Variants in PARP4 observed in about 807,000 individuals in gnomAD.
PARP4 encodes the protein protein mono-ADP-ribosyltransferase PARP4.
PARP4 carries 120 observed loss-of-function variants against 187.7 expected under a neutral mutation model. The ratio of observed to expected loss-of-function variants is 0.64; its 90% CI spans 0.55 to 0.74. The LOEUF is 0.74. PARP4 is among the 30% of genes least tolerant of loss of function. The pLI is 0.00. For synonymous variants in PARP4, 654 were observed against 740.9 expected, an observed-to-expected ratio of 0.88 and a Z score of 1.90; for missense variants, 1,836 against 2,070.5, an observed-to-expected ratio of 0.89 and a Z score of 2.20.
At chr13:24,492,695 A>G (rs1390865995) in intron 8 of PARP4, 101 bp from the exon 9 acceptor site, 2 of 945,354 alleles carry the variant, frequency 2.1e-6, no homozygotes, top group East Asian at 5.2e-5. Flanking sequence ...TGTCAAGACT[A>G]TCCATTTTCT....
intron 33 of PARP4, among the ~76,000 whole-genome samples, chr13:24,422,593 T>C (rs1869801695): frequency 6.6e-6 from 1 of 152,080 alleles, no homozygotes; most frequent in Non-Finnish European, 1.5e-5. Flanking sequence ...AAATATGCAA[T>C]AAACAGGAAA....
intron 31 of PARP4, among the ~76,000 whole-genome samples, chr13:24,432,806 C>T (rs73458916): frequency 0.047 from 7,082 of 152,222 alleles, 475 homozygotes; most frequent in African/African-American, 0.15. Context: ...CCATCACATG[C>T]ACAGGAGAAT....
In PARP4 at chr13:24,493,697, T is replaced by A; in HGVS notation, c.778A>T (p.Ser260Cys). Residue 260 changes from serine to cysteine, a missense_variant, in exon 8 of 34, where the codon AGC becomes TGC. Physicochemically the swap from Ser to Cys is moderately radical, Grantham distance 112 (BLOSUM62 -1). Transcript: ENST00000381989. ...LEEVMNSSTLSQEVSDLVEMI... is the reference protein window; with the variant it reads ...LEEVMNSSTLCQEVSDLVEMI... ...TCTACTAAATCGCTCACCTCTTGGC[T>A]CAGAGTGCTTGAATTCATGACTTCC... 6.2e-7 allele frequency: 1 copy of A among 1,613,830 alleles called. No homozygotes were observed. The highest frequency in any genetic ancestry group is 8.5e-7 in the Non-Finnish European group (1 of 1,179,918).
chr13:24,463,883 T>C (rs1437271689), intron 17 of PARP4, among the ~76,000 whole-genome samples: 1 of 152,154 alleles, frequency 6.6e-6, no homozygotes. Context: ...GACAAGATCC[T>C]ATATCTAGAA....
At chr13:24,442,723 T>C (rs1459193681) in intron 28 of PARP4, 38 bp from the exon 29 acceptor site, 1 of 1,167,408 alleles carries the variant, frequency 8.6e-7, no homozygotes, top group Non-Finnish European at 1.3e-6. Flanking sequence ...TCCTGTTTTA[T>C]TTCTATTTCG....
intron 14 of PARP4, among the ~76,000 whole-genome samples, chr13:24,476,189 G>T (rs572011977): frequency 6.6e-6 from 1 of 150,942 alleles, no homozygotes; most frequent in South Asian, 2.1e-4. Context: ...ATGTTGCCCA[G>T]GCTGGTTTTG....
At chr13:24,423,827 C>T (rs549437928) in intron 33 of PARP4, among the ~76,000 whole-genome samples, 21 of 152,082 alleles carry the variant, frequency 1.4e-4, no homozygotes, top group African/African-American at 4.3e-4. Flanking sequence ...CTACCACACT[C>T]GGGTAATTTT....
At chr13:24,462,407 T>C (rs1176226653) in intron 17 of PARP4, among the ~76,000 whole-genome samples, 1 of 152,220 alleles carries the variant, frequency 6.6e-6, no homozygotes, top group Non-Finnish European at 1.5e-5. Flanking sequence ...ACTCAACTCT[T>C]CAACCCCTAC....
chr13:24,426,404 A>G (rs1049138262), intron 33 of PARP4, 62 bp downstream of exon 33: 1 of 1,284,546 alleles, frequency 7.8e-7, no homozygotes, highest in African/African-American at 1.5e-5. Context: ...GCTGTTTCTA[A>G]GGTTTATTAA....
chr13:24,453,322 G>T (rs1203608010), intron 23 of PARP4, among the ~76,000 whole-genome samples: 6 of 151,666 alleles, frequency 4.0e-5, no homozygotes, highest in African/African-American at 1.2e-4. Context: ...AAAAACAAAG[G>T]ACAGAAGAAA....
At chr13:24,452,824 C>T (rs1356879835) in intron 23 of PARP4, among the ~76,000 whole-genome samples, 1 of 152,234 alleles carries the variant, frequency 6.6e-6, no homozygotes, top group African/African-American at 2.4e-5. Flanking sequence ...TTCCAGAGGA[C>T]TATGACATCT....
chr13:24,423,099 G>T (rs1041840944), intron 33 of PARP4, among the ~76,000 whole-genome samples: 16 of 152,180 alleles, frequency 1.1e-4, no homozygotes, highest in African/African-American at 3.9e-4. Context: ...AATTGGCAAT[G>T]ATCTAAATAG....
intron 15 of PARP4, among the ~76,000 whole-genome samples, chr13:24,472,225 G>A (rs955818185): frequency 6.6e-6 from 1 of 152,174 alleles, no homozygotes; most frequent in Non-Finnish European, 1.5e-5. Context: ...TCGGCTGAGG[G>A]CCTGACTCTT....
At chr13:24,461,444 T>C (rs7327566) in intron 17 of PARP4, among the ~76,000 whole-genome samples, 14,353 of 152,160 alleles carry the variant, frequency 0.094, 822 homozygotes, top group East Asian at 0.27. Context: ...ATCTACAAAA[T>C]CATAACTTGT....
chr13:24,484,007 T>C (rs1257281219), intron 12 of PARP4, among the ~76,000 whole-genome samples: 1 of 152,220 alleles, frequency 6.6e-6, no homozygotes, highest in Non-Finnish European at 1.5e-5. Flanking sequence ...TTTTCCTTAT[T>C]GATTTGTAGG....
At chr13:24,476,582 A>G (rs1281770853) in intron 14 of PARP4, among the ~76,000 whole-genome samples, 2 of 152,192 alleles carry the variant, frequency 1.3e-5, no homozygotes, top group African/African-American at 4.8e-5. Flanking sequence ...AAACATACAG[A>G]TAAGGTTAGG....
At chr13:24,487,275 G>T (rs948788980) in intron 10 of PARP4, among the ~76,000 whole-genome samples, 3 of 145,628 alleles carry the variant, frequency 2.1e-5, no homozygotes, top group African/African-American at 7.6e-5. Flanking sequence ...AAAAAAAAAA[G>T]TGATCAAATA....
intron 20 of PARP4, among the ~76,000 whole-genome samples, chr13:24,457,770 C>CAAAAAAAAAAAAAAAAAAAAAAAAGAAAA (rs1871950586): frequency 1.2e-5 from 1 of 85,666 alleles, no homozygotes; most frequent in African/African-American, 5.0e-5. Context: ...GACTCTGTCT[C>CAAAAAAAAAAAAAAAAAAAAAAAAGAAAA]AAAAAAAAAA....
intron 33 of PARP4, among the ~76,000 whole-genome samples, chr13:24,425,119 T>C (rs1351563702): frequency 6.6e-6 from 1 of 152,078 alleles, no homozygotes; most frequent in African/African-American, 2.4e-5. Flanking sequence ...CTGGGTAACA[T>C]GGCAAAGCCC....
Sources: allele counts gnomAD v4.1 joint callset (sites outside exome capture counted in the v4.1 genomes callset), GRCh38; gene constraint gnomAD v4.1.1; transcripts MANE v1.5; gene names NCBI Gene and HGNC (gene_info 2026-07-23, HGNC 2026-07-21).